EPHA3: variants seen among roughly 807,000 people sequenced by gnomAD.
EPHA3 encodes ephrin type-A receptor 3.
EPHA3 carries 42 observed loss-of-function variants against 107.1 expected under a neutral mutation model. The observed-to-expected ratio is 0.39, with a 90% confidence interval of 0.31 to 0.51. The LOEUF (loss-of-function observed/expected upper bound fraction) is 0.51. Among genes scored for constraint, EPHA3 ranks in the 20% least tolerant of loss-of-function variants. EPHA3 has a pLI of 0.78. For synonymous variants in EPHA3, 461 were observed against 424.8 expected, an observed-to-expected ratio of 1.09 and a Z score of -1.05; for missense variants, 1,183 against 1,211.2, an observed-to-expected ratio of 0.98 and a Z score of 0.35.
intron 1 of EPHA3, among the ~76,000 whole-genome samples, chr3:89,116,178 A>C (rs547099630): frequency 2.6e-5 from 4 of 152,112 alleles, no homozygotes; most frequent in Non-Finnish European, 5.9e-5. Context: ...CTTTCCTGAC[A>C]CTCAAACACT....
chr3:89,148,019 G>A (rs922704348), intron 2 of EPHA3, among the ~76,000 whole-genome samples: 2 of 151,792 alleles, frequency 1.3e-5, no homozygotes, highest in African/African-American at 4.8e-5. Context: ...AGGCATTTGG[G>A]TGTAATGATG....
intron 2 of EPHA3, among the ~76,000 whole-genome samples, chr3:89,204,900 G>A (rs1706063468): frequency 6.6e-6 from 1 of 152,096 alleles, no homozygotes; most frequent in Non-Finnish European, 1.5e-5. Flanking sequence ...AACATGAACC[G>A]ACTTAATATC....
At chr3:89,439,337 A>G (rs1709736380) in intron 13 of EPHA3, among the ~76,000 whole-genome samples, 1 of 152,166 alleles carries the variant, frequency 6.6e-6, no homozygotes, top group South Asian at 2.1e-4. Flanking sequence ...GCATGCCTTT[A>G]GTCCCAGCTA....
intron 15 of EPHA3, among the ~76,000 whole-genome samples, chr3:89,451,790 C>T (rs963399562): frequency 9.2e-5 from 14 of 152,004 alleles, no homozygotes; most frequent in African/African-American, 3.1e-4. Flanking sequence ...GTTTCCATTG[C>T]TACAAAGCTT....
intron 1 of EPHA3, among the ~76,000 whole-genome samples, chr3:89,108,887 T>C (rs956497882): frequency 2.0e-5 from 3 of 152,182 alleles, no homozygotes; most frequent in African/African-American, 7.2e-5. Flanking sequence ...ACAGTAACAT[T>C]TAGCAATTTA....
At chr3:89,202,921 T>C (rs1437877465) in intron 2 of EPHA3, among the ~76,000 whole-genome samples, 2 of 152,176 alleles carry the variant, frequency 1.3e-5, no homozygotes, top group East Asian at 1.9e-4. Flanking sequence ...TGTTATAATA[T>C]CTTATCATTC....
chr3:89,346,954 T>G (rs1217541137), intron 5 of EPHA3, among the ~76,000 whole-genome samples: 1 of 145,778 alleles, frequency 6.9e-6, no homozygotes, highest in African/African-American at 2.6e-5. Context: ...TTCTGAGGGC[T>G]CTGTTCTGTT....
At chr3:89,300,663 G>C (rs971706317) in intron 3 of EPHA3, among the ~76,000 whole-genome samples, 2 of 152,050 alleles carry the variant, frequency 1.3e-5, no homozygotes, top group African/African-American at 4.8e-5. Context: ...CCAGATTTCA[G>C]CCTTTGATGT....
At chr3:89,164,852 A>C (rs1705029727) in intron 2 of EPHA3, among the ~76,000 whole-genome samples, 1 of 152,210 alleles carries the variant, frequency 6.6e-6, no homozygotes, top group African/African-American at 2.4e-5. Context: ...AGTGTTTAAT[A>C]AATGAAATTA....
chr3:89,154,397 A>G (rs1233232484), intron 2 of EPHA3, among the ~76,000 whole-genome samples: 1 of 151,740 alleles, frequency 6.6e-6, no homozygotes, highest in Non-Finnish European at 1.5e-5. Context: ...TCATTTCTCC[A>G]TGATTTTTTT....
chr3:89,261,551 T>C (rs1231968222), intron 3 of EPHA3, among the ~76,000 whole-genome samples: 1 of 152,076 alleles, frequency 6.6e-6, no homozygotes, highest in African/African-American at 2.4e-5. Flanking sequence ...GATCTTTGAC[T>C]CCCCACTGTA....
intron 2 of EPHA3, among the ~76,000 whole-genome samples, chr3:89,205,447 T>A (rs1306727240): frequency 1.3e-5 from 2 of 152,124 alleles, no homozygotes; most frequent in Admixed American, 6.5e-5. Flanking sequence ...CCTTTGATGA[T>A]GGAGAGGTTT....
chr3:89,406,942 A>G (rs1336523314), intron 7 of EPHA3, among the ~76,000 whole-genome samples: 2 of 152,154 alleles, frequency 1.3e-5, no homozygotes, highest in African/African-American at 2.4e-5. Flanking sequence ...CTTCTGGTTC[A>G]TTCAACGAGT....
intron 2 of EPHA3, among the ~76,000 whole-genome samples, chr3:89,138,220 C>T (rs551151125): frequency 8.6e-5 from 13 of 151,688 alleles, no homozygotes; most frequent in African/African-American, 2.7e-4. Context: ...AGAAAAGACG[C>T]GTTTCCCTGG....
chr3:89,334,110 G>A (rs1374114604), intron 3 of EPHA3, among the ~76,000 whole-genome samples: 2 of 152,072 alleles, frequency 1.3e-5, no homozygotes, highest in African/African-American at 2.4e-5. Context: ...GTAAAATGTG[G>A]GAAGGGGATG....
intron 15 of EPHA3, among the ~76,000 whole-genome samples, chr3:89,455,882 T>G (rs1710088775): frequency 6.6e-6 from 1 of 152,208 alleles, no homozygotes; most frequent in Admixed American, 6.5e-5. Context: ...TCTTCATCAC[T>G]ATTTTAATTC....
intron 15 of EPHA3, among the ~76,000 whole-genome samples, chr3:89,452,077 AC>A (rs957724789): frequency 6.6e-6 from 1 of 152,204 alleles, no homozygotes; most frequent in Non-Finnish European, 1.5e-5. Context: ...CAAAATTTTA[AC>A]ATATAAACGT....
At chr3:89,287,738 T>C (rs1706122730) in intron 3 of EPHA3, among the ~76,000 whole-genome samples, 1 of 152,132 alleles carries the variant, frequency 6.6e-6, no homozygotes, top group Non-Finnish European at 1.5e-5. Context: ...TCAACACTCT[T>C]ATCTACAGAT....
At chr3:89,422,192 AACACACACACACACACAC>A (rs56370135) in intron 11 of EPHA3, among the ~76,000 whole-genome samples, 3 of 140,490 alleles carry the variant, frequency 2.1e-5, no homozygotes, top group Non-Finnish European at 4.7e-5. Flanking sequence ...TGTTGTATTT[AACACACACACACACACAC>A]ACACACACAC....
Sources: gnomAD v4.1 joint callset for allele counts (sites outside exome capture counted in the v4.1 genomes callset) on GRCh38, gnomAD v4.1.1 for gene constraint, MANE v1.5 for transcripts, NCBI Gene and HGNC (gene_info 2026-07-23, HGNC 2026-07-21) for gene names.